Variants in RYR1 observed in about 807,000 individuals in gnomAD.
RYR1 encodes the protein ryanodine receptor 1, also known as central core disease of muscle.
A neutral mutation model predicts 583.5 loss-of-function variants in RYR1; 342 were observed. That is an observed-to-expected ratio of 0.59 (90% CI 0.54 to 0.64). The LOEUF is 0.64. Among genes scored for constraint, RYR1 ranks in the 30% least tolerant of loss-of-function variants. RYR1 has a pLI of 0.00. For missense variants in RYR1, 6,032 were observed against 6,917.2 expected, an observed-to-expected ratio of 0.87 and a Z score of 4.54; for synonymous variants, 2,791 against 2,822.5, an observed-to-expected ratio of 0.99 and a Z score of 0.35.
At chr19:38,464,800 G>A (rs1433796432) in intron 23 of RYR1, 78 bp downstream of exon 23, 1 of 1,284,092 alleles carries the variant, frequency 7.8e-7, no homozygotes, top group African/African-American at 1.5e-5. Context: ...GGGAGGTCGA[G>A]GGGTCTTGTG....
chr19:38,476,478 T>G (rs1968735864), intron 29 of RYR1, among the ~76,000 whole-genome samples: 1 of 152,302 alleles, frequency 6.6e-6, no homozygotes, highest in East Asian at 1.9e-4. Context: ...ATTACAGGCA[T>G]GAGCCACCGT....
chr19:38,502,888 G>A lies in RYR1; in HGVS notation c.7844G>A (p.Arg2615His), dbSNP rs145183043. The change falls in exon 49 of 106, where the codon CGC becomes CAC. Residue 2615 changes from arginine (R) to histidine (H), a missense_variant. Transcript: ENST00000359596. ...TGTGCATTGTCCCGCAGGTACATCC[G>A]CCCGTCGATGCTGCAGCACCTGTTG... ...DCLMSLCRYI[R>H]PSMLQHLLRR... 9.4e-5 allele frequency: 152 copies of A among 1,610,878 alleles called. No homozygotes were observed. Among genetic ancestry groups the A allele is most frequent in the East Asian group, 4.0e-4 (18 of 44,834 alleles).
At position 38,502,786 on chromosome 19, in the gene RYR1, C is replaced by CAGGGGT. The variant is rs1491562489; in HGVS notation, c.7835+64_7835+65insTAGGGG. On this transcript the variant is annotated intron_variant, in intron 48 of 105. Transcript: ENST00000359596. Reference sequence around the variant, plus strand: ...GCAGGGGCAGGGGCAGGGGCAGGGGCAGGGGCAGGGGCAGGGGCAGGGGGA... The same window carrying CAGGGGT: ...GCAGGGGCAGGGGCAGGGGCAGGGGCAGGGGTAGGGGCAGGGGCAGGGGCAGGGGGA... 14 of 637,334 alleles carry CAGGGGT rather than the reference C, an allele frequency of 2.2e-5. 1 individual carries two copies. The African/African-American group carries it at 5.4e-4, about 24-fold the overall frequency. 39.5% of individuals were successfully genotyped at this position (637,334 alleles called of 1,614,324 possible).
chr19:38,435,212 G>T (rs1972373874), intron 1 of RYR1, among the ~76,000 whole-genome samples: 1 of 152,158 alleles, frequency 6.6e-6, no homozygotes, highest in Non-Finnish European at 1.5e-5. Flanking sequence ...AGATTTGAGG[G>T]AAACCAAGGC....
At chr19:38,457,706 A>T (rs1296943370) in intron 17 of RYR1, 76 bp downstream of exon 17, 2 of 1,469,118 alleles carry the variant, frequency 1.4e-6, no homozygotes, top group African/African-American at 1.4e-5. Flanking sequence ...CCACACCCAG[A>T]TGGATGTCCT....
rs1399467270 is a variant in RYR1, at chr19:38,455,344, T to C, written c.1550T>C (p.Ile517Thr). Reference sequence around the variant, plus strand: ...GAGGCAGCCGAGTCCTGGAAAGAGATTGTGAATCTTCTCTATGAACTCCTA... The same window carrying C: ...GAGGCAGCCGAGTCCTGGAAAGAGACTGTGAATCTTCTCTATGAACTCCTA... ...GEEAAESWKE[I>T]VNLLYELLAS... Residue 517 changes from isoleucine to threonine, a missense_variant, in exon 14 of 106, where the codon ATT becomes ACT. Around this residue, in one of 11 missense-constraint regions of RYR1, gnomAD observed 2,627 missense variants for 2,961.3 expected, o/e 0.89. Coordinates refer to ENST00000359596, the MANE Select transcript of RYR1 (RefSeq NM_000540.3). The C allele has an allele frequency of 2.5e-6, 4 of 1,614,060 alleles. No homozygotes were observed. Among genetic ancestry groups the C allele is most frequent in the South Asian group, 1.1e-5 (1 of 91,078 alleles).
chr19:38,505,180 C>T, intron 52 of RYR1, 99 bp downstream of exon 52: 1 of 1,242,792 alleles, frequency 8.0e-7, no homozygotes, highest in Non-Finnish European at 1.2e-6. Context: ...TGAGACCCCC[C>T]AGCCTTCCCT....
At chr19:38,442,483 T>G (rs767226606) in intron 3 of RYR1, 30 bp downstream of exon 3, 2 of 1,546,160 alleles carry the variant, frequency 1.3e-6, no homozygotes, top group Non-Finnish European at 8.9e-7. Context: ...GTGGGCGGGG[T>G]GGCAGAGATG....
At position 38,506,826 on chromosome 19, in the gene RYR1, C is replaced by T. The variant is rs1245416909; in HGVS notation, c.8693-3C>T. 6.2e-7 allele frequency: 1 copy of T among 1,614,112 alleles called. No individual in the cohort carries two copies. ...CCCTGATTTCTGGTCTTTGCCTCCC[C>T]AGGCGGTGGGACCCACCCCCTGCTG... On this transcript the variant is annotated splice_polypyrimidine_tract_variant and splice_region_variant and intron_variant, in intron 56 of 105. Transcript: ENST00000359596.
At chr19:38,572,950 AC>A (rs1340936415) in intron 95 of RYR1, among the ~76,000 whole-genome samples, 1 of 121,362 alleles carries the variant, frequency 8.2e-6, no homozygotes, top group Non-Finnish European at 1.7e-5. Flanking sequence ...TCCAGCCCTG[AC>A]CCCCCTGCCT....
intron 12 of RYR1, 116 bp downstream of exon 12, chr19:38,452,001 T>TGTTAG: frequency 6.9e-7 from 1 of 1,440,344 alleles, no homozygotes; most frequent in Non-Finnish European, 9.7e-7. Flanking sequence ...GTCTAACATA[T>TGTTAG]ACATGGGCCA....
chr19:38,475,184 T>A, intron 28 of RYR1, 134 bp from the exon 29 acceptor site: 1 of 1,220,010 alleles, frequency 8.2e-7, no homozygotes, highest in Non-Finnish European at 1.2e-6. Context: ...TAGGTGGGAA[T>A]CCAGCCCTCT....
At chr19:38,453,393 G>GCTA (rs947852124) in intron 13 of RYR1, among the ~76,000 whole-genome samples, 2 of 151,784 alleles carry the variant, frequency 1.3e-5, no homozygotes, top group African/African-American at 4.8e-5. Flanking sequence ...GTCAGAGGTA[G>GCTA]GGCTGCCGAC....
In RYR1 at chr19:38,528,609, T is replaced by C. The variant is rs1167987822; in HGVS notation, c.10948T>C (p.Cys3650Arg). Residue 3650 changes from cysteine to arginine, a missense_variant, in exon 75 of 106, where the codon TGT becomes CGT. Cys to Arg is a radical substitution (Grantham distance 180). Around this residue, in one of 11 missense-constraint regions of RYR1, gnomAD observed 1,493 missense variants for 1,715.5 expected, o/e 0.87. Coordinates refer to ENST00000359596, the MANE Select transcript of RYR1 (RefSeq NM_000540.3). ...ACCTCTCCCCTGCAGGCACCGGGCA[T>C]GTAACATGTTCCTGGAGAGCTACAA... is the stretch of plus-strand genomic sequence containing the variant. The part of the protein sequence containing the change: ...PLYNLPTHRA[C>R]NMFLESYKAA... The C allele has an allele frequency of 3.7e-6, 6 of 1,614,130 alleles. No homozygotes were observed. Among genetic ancestry groups the C allele is most frequent in the South Asian group, 3.3e-5 (3 of 91,078 alleles).
chr19:38,551,648 G>C (rs956159934), intron 89 of RYR1, among the ~76,000 whole-genome samples: 1 of 152,108 alleles, frequency 6.6e-6, no homozygotes, highest in African/African-American at 2.4e-5. Context: ...AAGATCATCA[G>C]TGACCTCTTT....
chr19:38,514,969 G>T, intron 63 of RYR1, 57 bp from the exon 64 acceptor site: 1 of 1,201,202 alleles, frequency 8.3e-7, no homozygotes, highest in Non-Finnish European at 1.2e-6. Flanking sequence ...GGGAGGTGGG[G>T]TGGGGAGGGC....
chr19:38,537,000 C>G, intron 83 of RYR1: 1 of 598,520 alleles, frequency 1.7e-6, no homozygotes, highest in Non-Finnish European at 3.0e-6. Flanking sequence ...CTTACCTTCC[C>G]TAAGCTTCAC....
In RYR1 at chr19:38,466,328, C is replaced by T. The variant is rs759317223; in HGVS notation, c.3108C>T (p.Asp1036=). Residue 1036 remains aspartate, a synonymous_variant, in exon 24 of 106, where the codon GAC becomes GAT. Transcript: ENST00000359596. The stretch of plus-strand genomic sequence containing the variant: ...AAGCCACCAAGCGCAGCAACCGGGA[C>T]AGCCTCTGCCAGGCCGTGCGCACCC... The part of the protein sequence containing the change: ...LDEATKRSNR[D]SLCQAVRTLL... 1 of 1,603,898 alleles carries T rather than the reference C, an allele frequency of 6.2e-7. No homozygotes were observed. Among genetic ancestry groups the T allele is most frequent in the Non-Finnish European group, 8.5e-7 (1 of 1,176,464 alleles).
intron 102 of RYR1, among the ~76,000 whole-genome samples, chr19:38,585,423 T>C (rs902624830): frequency 4.7e-5 from 7 of 147,916 alleles, no homozygotes; most frequent in Non-Finnish European, 8.9e-5. Context: ...TATATATTTA[T>C]ATATGTGTTT....
Sources: gnomAD v4.1 joint callset for allele counts (sites outside exome capture counted in the v4.1 genomes callset) on GRCh38, gnomAD v4.1.1 for gene constraint, gnomAD v4.1.1 regional missense constraint, MANE v1.5 for transcripts, NCBI Gene and HGNC (gene_info 2026-07-23, HGNC 2026-07-21) for gene names.